The following RCL1 variants were observed in gnomAD, a reference collection of about 807,000 sequenced individuals.
RCL1 encodes the protein RNA terminal phosphate cyclase like 1, also known as RNA 3'-terminal phosphate cyclase-like protein.
In RCL1, 24 loss-of-function variants were observed where a neutral mutation model predicts 42.4. The observed-to-expected ratio is 0.57, with a 90% CI of 0.41 to 0.80. The LOEUF (loss-of-function observed/expected upper bound fraction) is 0.80, where lower values mean the gene tolerates loss of function less well. RCL1 is among the 30% of genes least tolerant of loss of function. RCL1 has a pLI of 0.00. For missense variants in RCL1, 578 were observed against 467.9 expected (o/e 1.24, Z -2.17); for synonymous variants, 228 against 177.3 (o/e 1.29, Z -2.27).
At chr9:4,858,285 C>T (rs546553410) in intron 8 of RCL1, among the ~76,000 whole-genome samples, 1 of 152,166 alleles carries the variant, frequency 6.6e-6, no homozygotes, top group South Asian at 2.1e-4. Context: ...CAGATCTTTT[C>T]TCCAATCCTG....
intron 6 of RCL1, among the ~76,000 whole-genome samples, chr9:4,843,601 T>C (rs1201219975): frequency 6.6e-6 from 1 of 152,228 alleles, no homozygotes; most frequent in Non-Finnish European, 1.5e-5. Context: ...TAAAGTTACT[T>C]AAATTGTGTT....
intron 1 of RCL1, 64 bp downstream of exon 1, chr9:4,793,291 G>A (rs116374658): frequency 6.6e-6 from 10 of 1,507,838 alleles, no homozygotes; most frequent in Non-Finnish European, 8.0e-6. Flanking sequence ...AGCTGATGCC[G>A]TGGGGGCCCG....
chr9:4,832,535 G>T (rs184864956), intron 3 of RCL1, among the ~76,000 whole-genome samples: 203 of 152,062 alleles, frequency 1.3e-3, no homozygotes, highest in African/African-American at 4.6e-3. Flanking sequence ...TCCAGGCTGG[G>T]TGTGGTGGCT....
intron 1 of RCL1, among the ~76,000 whole-genome samples, chr9:4,821,087 A>G (rs1816582238): frequency 6.6e-6 from 1 of 152,218 alleles, no homozygotes; most frequent in Non-Finnish European, 1.5e-5. Flanking sequence ...CCAAGGAATT[A>G]AACTGAACAG....
intron 7 of RCL1, among the ~76,000 whole-genome samples, chr9:4,847,374 T>TA (rs1428183572): frequency 6.6e-6 from 1 of 152,224 alleles, no homozygotes. Flanking sequence ...GAATGAGTGG[T>TA]AAAAAATCCA....
chr9:4,794,356 C>G (rs760232339), intron 1 of RCL1, among the ~76,000 whole-genome samples: 6 of 152,136 alleles, frequency 3.9e-5, no homozygotes, highest in Non-Finnish European at 7.3e-5. Context: ...TGGTGAGAAA[C>G]CTAGTGATGG....
At chr9:4,839,800 G>C (rs1817253508) in intron 5 of RCL1, 1 of 969,922 alleles carries the variant, frequency 1.0e-6, no homozygotes, top group Admixed American at 6.2e-5. Context: ...TGCCCTTATA[G>C]AGTGTGTGGT....
chr9:4,849,570 C>T lies in RCL1; in HGVS notation c.971+20C>T, dbSNP rs1330505772. 4 of 1,554,598 alleles carry T rather than the reference C, an allele frequency of 2.6e-6. No individual in the cohort carries two copies. Among genetic ancestry groups the T allele is most frequent in the Non-Finnish European group, 3.6e-6 (4 of 1,126,326 alleles). ...CTACACGTAAGTTATTCTTTTTCAA[C>T]CTCGTTATTCTGTCCAGTGTAATTT... On this transcript the variant is annotated intron_variant, in intron 8 of 8. Coordinates refer to ENST00000381750, the MANE Select transcript of RCL1 (RefSeq NM_005772.5).
chr9:4,834,365 AT>A, intron 5 of RCL1, 100 bp downstream of exon 5: 1 of 1,336,972 alleles, frequency 7.5e-7, no homozygotes, highest in Non-Finnish European at 1.0e-6. Flanking sequence ...GGTTATTTAC[AT>A]TTTAGACTAC....
chr9:4,821,458 A>G (rs547182690), intron 1 of RCL1, among the ~76,000 whole-genome samples: 3 of 152,340 alleles, frequency 2.0e-5, no homozygotes, highest in South Asian at 2.1e-4. Context: ...TCGTTTTGCT[A>G]TAACAATGTC....
intron 1 of RCL1, among the ~76,000 whole-genome samples, chr9:4,817,924 T>C (rs1354873472): frequency 3.4e-5 from 5 of 146,036 alleles, no homozygotes; most frequent in Admixed American, 6.8e-5. Context: ...TTTTTTTTTT[T>C]TTTTTTTTTT....
At position 4,823,614 on chromosome 9, in the gene RCL1, A is replaced by G; in HGVS notation, c.203A>G (p.Gln68Arg). 1.2e-6 allele frequency: 2 copies of G among 1,609,650 alleles called. No individual in the cohort carries two copies. The highest frequency in any genetic ancestry group is 1.7e-4 in the Middle Eastern group (1 of 6,046). Residue 68 changes from glutamine to arginine, a missense_variant, in exon 2 of 9, where the codon CAA becomes CGA. By Grantham distance (43) the Gln-to-Arg change is conservative. Coordinates refer to ENST00000381750, the MANE Select transcript of RCL1 (RefSeq NM_005772.5). ...ITNGSRIEIN[Q>R]TGTTLYYQPG... The stretch of plus-strand genomic sequence containing the variant: ...AATGGTTCTCGAATTGAAATAAACC[A>G]AACAGGTAAGCTCCTTTTAGATTCC...
At chr9:4,810,243 G>C (rs1356922789) in intron 1 of RCL1, among the ~76,000 whole-genome samples, 1 of 152,174 alleles carries the variant, frequency 6.6e-6, no homozygotes, top group Non-Finnish European at 1.5e-5. Context: ...TAAATGTACA[G>C]TTTGATGAGT....
In RCL1 at chr9:4,793,306, G is replaced by A. The variant is rs560727547; in HGVS notation, c.136+79G>A. ...AGCTGATGCCGTGGGGGCCCGCGCG[G>A]TGTTGGTTGGGCGGCTCGGCGTCCG... On this transcript the variant is annotated intron_variant, in intron 1 of 8. Transcript: ENST00000381750. 1,019 of 1,464,676 alleles carry A rather than the reference G, an allele frequency of 7.0e-4. 4 individuals are homozygous for A. Among genetic ancestry groups the A allele is most frequent in the African/African-American group, 3.3e-3 (222 of 67,776 alleles). The allele number at this position is 1,464,676 out of a possible 1,614,324, so 90.7% of individuals were successfully genotyped here. A position where few individuals can be genotyped will look rare whatever the true frequency, so the allele number is the denominator to read the frequency against.
chr9:4,853,467 G>A (rs1428463782), intron 8 of RCL1, among the ~76,000 whole-genome samples: 7 of 151,932 alleles, frequency 4.6e-5, no homozygotes, highest in East Asian at 1.9e-4. Context: ...GACTACAGGC[G>A]CCCGCCACCA....
At chr9:4,827,904 C>T (rs1005942864) in intron 3 of RCL1, among the ~76,000 whole-genome samples, 7 of 151,826 alleles carry the variant, frequency 4.6e-5, no homozygotes, top group Non-Finnish European at 1.0e-4. Context: ...AGCTGATGGC[C>T]GGCCGGGCGC....
intron 2 of RCL1, 27 bp downstream of exon 2, chr9:4,823,646 C>T (rs1430427301): frequency 6.9e-7 from 1 of 1,449,606 alleles, no homozygotes. Flanking sequence ...TTCCTAAAAG[C>T]ACCTCCATGC....
At chr9:4,846,979 G>A (rs999325997) in intron 7 of RCL1, among the ~76,000 whole-genome samples, 3 of 151,364 alleles carry the variant, frequency 2.0e-5, no homozygotes, top group African/African-American at 4.9e-5. Context: ...TCTGCCTTCT[G>A]GGTTCAAGTG....
At chr9:4,859,435 G>A (rs1375858300) in intron 8 of RCL1, among the ~76,000 whole-genome samples, 1 of 152,098 alleles carries the variant, frequency 6.6e-6, no homozygotes, top group African/African-American at 2.4e-5. Context: ...AAATCCTCCT[G>A]AGGGAAGGAT....
Sources: allele counts gnomAD v4.1 joint callset (sites outside exome capture counted in the v4.1 genomes callset), GRCh38; gene constraint gnomAD v4.1.1; transcripts MANE v1.5; gene names NCBI Gene and HGNC (gene_info 2026-07-23, HGNC 2026-07-21).